Variants in PAN3 observed in about 807,000 individuals in gnomAD.
PAN3 encodes the protein poly(A) specific ribonuclease subunit PAN3.
PAN3 carries 19 observed loss-of-function variants against 96.2 expected under a neutral mutation model. The ratio of observed to expected loss-of-function variants is 0.20; its 90% CI spans 0.14 to 0.29. The LOEUF is 0.29. Ranked by LOEUF, PAN3 falls within the 10% of genes least tolerant of loss-of-function variation. PAN3 has a pLI of 1.00. For synonymous variants in PAN3, 433 were observed against 406.6 expected (o/e 1.06, Z -0.78); for missense variants, 882 against 1,108.1 (o/e 0.80, Z 2.90).
At chr13:28,202,599 TA>T (rs1375193701) in intron 5 of PAN3, among the ~76,000 whole-genome samples, 1 of 152,176 alleles carries the variant, frequency 6.6e-6, no homozygotes, top group Non-Finnish European at 1.5e-5. Flanking sequence ...ATGGCTCAAA[TA>T]CTACTTTCTC....
chr13:28,175,789 T>C (rs1220991062), intron 2 of PAN3, among the ~76,000 whole-genome samples: 2 of 152,234 alleles, frequency 1.3e-5, no homozygotes. Context: ...CTTTTTAATA[T>C]ATATTTTTGT....
chr13:28,271,447 A>G (rs578232730), intron 13 of PAN3, among the ~76,000 whole-genome samples: 3 of 152,336 alleles, frequency 2.0e-5, no homozygotes, highest in Non-Finnish European at 2.9e-5. Context: ...ATTTAAGTTC[A>G]TATCCTGGCT....
intron 5 of PAN3, among the ~76,000 whole-genome samples, chr13:28,213,967 T>C (rs928482956): frequency 5.9e-5 from 9 of 152,126 alleles, no homozygotes; most frequent in African/African-American, 7.2e-5. Context: ...TGATCTCTTA[T>C]ACAGTGCTGG....
intron 15 of PAN3, among the ~76,000 whole-genome samples, chr13:28,279,631 A>G (rs1240376994): frequency 2.0e-5 from 3 of 151,336 alleles, no homozygotes; most frequent in African/African-American, 7.3e-5. Context: ...TTGGTGGCGC[A>G]CGCCTGTAGT....
Position 28,266,747 on chromosome 13 carries a change from C to G in PAN3, c.1444C>G (p.Leu482Val). The G allele has an allele frequency of 6.2e-7, 1 of 1,605,758 alleles. No homozygotes were observed. Among genetic ancestry groups the G allele is most frequent in the Non-Finnish European group, 8.5e-7 (1 of 1,176,156 alleles). ...VPTEVDSYHS[L>V]FPLEPLPPPN... ...TACAGAGGTTGACAGCTACCATAGCCTATTCCCTCTAGAACCACTGCCACC... is the reference window on the plus strand; with the variant it reads ...TACAGAGGTTGACAGCTACCATAGCGTATTCCCTCTAGAACCACTGCCACC... The change falls in exon 10 of 19, where the codon CTA becomes GTA. Residue 482 changes from leucine (L) to valine (V), a missense_variant. Physicochemically the swap from Leu to Val is conservative, Grantham distance 32 (BLOSUM62 1). Around this residue, in one of 3 missense-constraint regions of PAN3, gnomAD observed 364 missense variants for 513.6 expected, o/e 0.71. Transcript: ENST00000380958.
intron 1 of PAN3, among the ~76,000 whole-genome samples, chr13:28,167,923 A>G (rs1351046447): frequency 6.6e-6 from 1 of 152,212 alleles, no homozygotes; most frequent in Non-Finnish European, 1.5e-5. Flanking sequence ...TAGCATCCTC[A>G]ACACTTTGCT....
intron 7 of PAN3, among the ~76,000 whole-genome samples, chr13:28,257,550 C>G (rs149969068): frequency 6.6e-6 from 1 of 150,848 alleles, no homozygotes; most frequent in African/African-American, 2.4e-5. Context: ...CCCCATTGCT[C>G]TCATTACCAT....
At chr13:28,212,322 A>G (rs1566191616) in intron 5 of PAN3, among the ~76,000 whole-genome samples, 3 of 152,206 alleles carry the variant, frequency 2.0e-5, no homozygotes, top group Admixed American at 6.5e-5. Context: ...ACAAAACTTA[A>G]AAGCAAGACC....
At chr13:28,140,535 C>T (rs1869604698) in intron 1 of PAN3, among the ~76,000 whole-genome samples, 1 of 151,928 alleles carries the variant, frequency 6.6e-6, no homozygotes, top group Admixed American at 6.6e-5. Flanking sequence ...TAATATCTTC[C>T]CCGGGGTTTT....
intron 5 of PAN3, among the ~76,000 whole-genome samples, chr13:28,197,690 C>G (rs1037457382): frequency 6.6e-6 from 1 of 152,004 alleles, no homozygotes; most frequent in South Asian, 2.1e-4. Context: ...ATGCCTCAGC[C>G]TCTCAAGTAG....
At chr13:28,212,637 CAT>C (rs1880183354) in intron 5 of PAN3, among the ~76,000 whole-genome samples, 1 of 152,074 alleles carries the variant, frequency 6.6e-6, no homozygotes. Flanking sequence ...AGGAGTGAAA[CAT>C]ATATACATAG....
chr13:28,203,827 C>T (rs1344100836), intron 5 of PAN3, among the ~76,000 whole-genome samples: 6 of 143,812 alleles, frequency 4.2e-5, no homozygotes, highest in African/African-American at 7.7e-5. Context: ...TTTTTTGAGA[C>T]GGAGTCTTGC....
chr13:28,247,251 T>C (rs984652409), intron 6 of PAN3, among the ~76,000 whole-genome samples: 2 of 152,172 alleles, frequency 1.3e-5, no homozygotes, highest in African/African-American at 4.8e-5. Flanking sequence ...TTGCCTATTT[T>C]AAAATCAGAC....
rs1885102508 is a variant in PAN3 at position 28,255,933 on chromosome 13, G to A, written c.1001-359G>A. Reference sequence around the variant, plus strand: ...TTATAAAAGAAAAACTTTTATAAAAGGCATAATTTTATAAAGAGCCACAAT... The same window carrying A: ...TTATAAAAGAAAAACTTTTATAAAAAGCATAATTTTATAAAGAGCCACAAT... On this transcript the variant is annotated intron_variant, in intron 6 of 18. Transcript: ENST00000380958. Among the ~76,000 whole-genome samples the A allele has an allele frequency of 2.0e-5, 3 of 151,646 alleles. No individual in the cohort carries two copies. The South Asian group carries it at 6.2e-4, about 32-fold the overall frequency.
chr13:28,178,908 A>G (rs771124779), intron 4 of PAN3, among the ~76,000 whole-genome samples: 1 of 152,198 alleles, frequency 6.6e-6, no homozygotes, highest in Non-Finnish European at 1.5e-5. Context: ...TTAAATATGT[A>G]TAGCGTTTTA....
At chr13:28,162,489 A>C (rs9582007) in intron 1 of PAN3, among the ~76,000 whole-genome samples, 8,517 of 152,154 alleles carry the variant, frequency 0.056, 309 homozygotes, top group South Asian at 0.15. Context: ...GTTTGAGACC[A>C]GCCTGGGCAA....
intron 6 of PAN3, among the ~76,000 whole-genome samples, chr13:28,233,776 T>C (rs570767219): frequency 2.0e-4 from 31 of 152,334 alleles, no homozygotes; most frequent in African/African-American, 7.2e-4. Flanking sequence ...ATATCAGGTT[T>C]ATAGTCTTTC....
chr13:28,205,397 G>A (rs769460090), intron 5 of PAN3, among the ~76,000 whole-genome samples: 2 of 151,992 alleles, frequency 1.3e-5, no homozygotes, highest in Admixed American at 6.6e-5. Flanking sequence ...GCTGATACTC[G>A]AAATCTTTAA....
intron 4 of PAN3, among the ~76,000 whole-genome samples, chr13:28,186,803 A>G (rs1933436): frequency 0.39 from 59,294 of 151,910 alleles, 13,228 homozygotes; most frequent in African/African-American, 0.62. Context: ...TCCAGCCTGG[A>G]CAACAGAACA....
Sources: gnomAD v4.1 joint callset for allele counts (sites outside exome capture counted in the v4.1 genomes callset) on GRCh38, gnomAD v4.1.1 for gene constraint, gnomAD v4.1.1 regional missense constraint, MANE v1.5 for transcripts, NCBI Gene and HGNC (gene_info 2026-07-23, HGNC 2026-07-21) for gene names.